TNNI3K: variants seen among roughly 807,000 people sequenced by gnomAD.
TNNI3K encodes the protein TNNI3 interacting kinase.
Under a neutral mutation model 114.5 loss-of-function variants are expected in TNNI3K, and 140 were observed. The observed-to-expected ratio is 1.22, with a 90% CI of 1.07 to 1.41. The LOEUF is 1.41. Ranked by LOEUF, TNNI3K falls within the 40% of genes most tolerant of loss-of-function variation. The probability of loss-of-function intolerance (pLI) is 0.00; values close to 1 mark genes in which losing one functional copy is unlikely to be tolerated. For synonymous variants in TNNI3K, 347 were observed against 347.5 expected, an observed-to-expected ratio of 1.00 and a Z score of 0.02; for missense variants, 1,125 against 1,007.6, an observed-to-expected ratio of 1.12 and a Z score of -1.58.
At chr1:74,252,636 G>T (rs1654998308) in intron 4 of TNNI3K, among the ~76,000 whole-genome samples, 1 of 152,118 alleles carries the variant, frequency 6.6e-6, no homozygotes, top group African/African-American at 2.4e-5. Flanking sequence ...TCTTTCTGGT[G>T]GGTTCGTGGT....
intron 17 of TNNI3K, among the ~76,000 whole-genome samples, chr1:74,430,103 G>A (rs971448179): frequency 1.3e-5 from 2 of 152,098 alleles, no homozygotes; most frequent in African/African-American, 2.4e-5. Flanking sequence ...AGTGAAAGTA[G>A]CAAGTCACCT....
intron 11 of TNNI3K, among the ~76,000 whole-genome samples, chr1:74,355,228 C>A (rs1661589024): frequency 1.3e-5 from 2 of 152,092 alleles, no homozygotes; most frequent in Admixed American, 1.3e-4. Flanking sequence ...ATACTCAAAT[C>A]CTAAAAGATT....
At chr1:74,483,165 A>T (rs1668587506) in intron 21 of TNNI3K, 1 of 658,640 alleles carries the variant, frequency 1.5e-6, no homozygotes, top group Non-Finnish European at 2.8e-6. Flanking sequence ...GTTACCTCTT[A>T]AGCTGAGCCC....
At chr1:74,416,187 C>T in intron 17 of TNNI3K, 1 of 570,082 alleles carries the variant, frequency 1.8e-6, no homozygotes, top group Non-Finnish European at 2.2e-6. Context: ...CTTGCTTTGG[C>T]ATGAAGCATA....
intron 17 of TNNI3K, among the ~76,000 whole-genome samples, chr1:74,387,144 G>A (rs991824138): frequency 2.6e-5 from 4 of 152,114 alleles, no homozygotes; most frequent in African/African-American, 7.2e-5. Context: ...TTGTTCAAAT[G>A]TCTCAACAAT....
chr1:74,483,505 A>T, intron 21 of TNNI3K: 1 of 521,070 alleles, frequency 1.9e-6, no homozygotes, highest in Non-Finnish European at 3.5e-6. Context: ...TTCTCTTAAG[A>T]TGCCAGGTAA....
At chr1:74,333,676 G>T (rs185988282) in intron 6 of TNNI3K, among the ~76,000 whole-genome samples, 2 of 152,182 alleles carry the variant, frequency 1.3e-5, no homozygotes, top group East Asian at 3.8e-4. Context: ...TGCTGACAAG[G>T]AGAATGGTAC....
intron 17 of TNNI3K, among the ~76,000 whole-genome samples, chr1:74,386,828 A>C (rs1172624307): frequency 6.6e-6 from 1 of 152,200 alleles, no homozygotes; most frequent in Non-Finnish European, 1.5e-5. Flanking sequence ...TATTTGTGAT[A>C]AATTAAATCA....
chr1:74,511,195 A>ATTT (rs113121147), intron 23 of TNNI3K, among the ~76,000 whole-genome samples: 33 of 144,336 alleles, frequency 2.3e-4, no homozygotes, highest in African/African-American at 8.1e-4. Flanking sequence ...TGCCCGGCCT[A>ATTT]TTTTTTTTTT....
At chr1:74,473,235 CTT>C (rs933980345) in intron 21 of TNNI3K, among the ~76,000 whole-genome samples, 3 of 152,224 alleles carry the variant, frequency 2.0e-5, no homozygotes, top group Admixed American at 1.3e-4. Flanking sequence ...TGTCTTATAA[CTT>C]TTACAGATGA....
chr1:74,247,575 T>G (rs560838799), intron 2 of TNNI3K, among the ~76,000 whole-genome samples: 32 of 152,292 alleles, frequency 2.1e-4, no homozygotes, highest in African/African-American at 7.0e-4. Context: ...AGAGAGCTGA[T>G]TGGTCCGTTT....
At chr1:74,531,931 A>G (rs1014684988) in intron 23 of TNNI3K, among the ~76,000 whole-genome samples, 6 of 152,342 alleles carry the variant, frequency 3.9e-5, no homozygotes, top group African/African-American at 1.4e-4. Flanking sequence ...TTGCCTTATT[A>G]AAAATCCAAA....
chr1:74,403,837 A>T (rs1018156534), intron 17 of TNNI3K, among the ~76,000 whole-genome samples: 1 of 152,118 alleles, frequency 6.6e-6, no homozygotes, highest in African/African-American at 2.4e-5. Flanking sequence ...CATGCTAATC[A>T]CATTACCATG....
At chr1:74,492,029 T>C (rs1557603616) in intron 22 of TNNI3K, 68 bp from the exon 23 acceptor site, 1 of 1,380,682 alleles carries the variant, frequency 7.2e-7, no homozygotes, top group Admixed American at 2.5e-5. Context: ...GTTAAATCCA[T>C]ATTTTATGTT....
intron 9 of TNNI3K, among the ~76,000 whole-genome samples, chr1:74,349,647 G>A (rs1257980670): frequency 6.6e-6 from 1 of 152,188 alleles, no homozygotes; most frequent in Non-Finnish European, 1.5e-5. Context: ...CTCAATTTCA[G>A]AGCCTGTTAT....
At chr1:74,285,908 A>T (rs1415866291) in intron 5 of TNNI3K, among the ~76,000 whole-genome samples, 1 of 152,220 alleles carries the variant, frequency 6.6e-6, no homozygotes, top group African/African-American at 2.4e-5. Flanking sequence ...AGCCTTAAAA[A>T]AATGATGACA....
chr1:74,399,022 G>A (rs1416305923), intron 17 of TNNI3K, among the ~76,000 whole-genome samples: 1 of 151,840 alleles, frequency 6.6e-6, no homozygotes, highest in Non-Finnish European at 1.5e-5. Flanking sequence ...CAGGCATGGT[G>A]GCGGGCGCCT....
chr1:74,400,388 T>C lies in TNNI3K; in HGVS notation c.1772+29996T>C, dbSNP rs142778332. On this transcript the variant is annotated intron_variant, in intron 17 of 24. Coordinates refer to ENST00000326637, the MANE Select transcript of TNNI3K (RefSeq NM_015978.3). ...TGACTTTACAAATTTAGACTGGATA[T>C]GGGGATGTAAATACCTAGGTTGAAT... 3.5e-4 allele frequency among the ~76,000 whole-genome samples: 53 copies of C among 152,294 alleles called. 2 individuals carry two copies. In the East Asian group the frequency reaches 9.9e-3, roughly 28 times the overall value.
chr1:74,429,469 T>C (rs1665790536), intron 17 of TNNI3K, among the ~76,000 whole-genome samples: 1 of 152,066 alleles, frequency 6.6e-6, no homozygotes, highest in Non-Finnish European at 1.5e-5. Flanking sequence ...GGGAGTCTTA[T>C]GTTCAGGTAT....
Sources: gnomAD v4.1 joint callset for allele counts (sites outside exome capture counted in the v4.1 genomes callset) on GRCh38, gnomAD v4.1.1 for gene constraint, MANE v1.5 for transcripts, NCBI Gene and HGNC (gene_info 2026-07-23, HGNC 2026-07-21) for gene names.